Variants in CPNE8 observed in about 807,000 individuals in gnomAD.
The protein encoded by CPNE8 is copine 8, also known as copine-8.
In CPNE8, 45 loss-of-function variants were observed where a neutral mutation model predicts 81.5. That is an observed-to-expected ratio of 0.55 (90% CI 0.44 to 0.71). CPNE8 has a LOEUF of 0.71. CPNE8 is among the 30% of genes least tolerant of loss of function. The pLI is 0.00. For missense variants in CPNE8, 594 were observed against 672.1 expected (o/e 0.88, Z 1.28); for synonymous variants, 252 against 226.3 (o/e 1.11, Z -1.02).
intron 19 of CPNE8, among the ~76,000 whole-genome samples, chr12:38,655,367 A>G (rs2136628328): frequency 6.6e-6 from 1 of 152,312 alleles, no homozygotes; most frequent in Admixed American, 6.5e-5. Context: ...CCTTAGGGGC[A>G]TAATGATGCT....
At chr12:38,713,167 G>A (rs1940302619) in intron 13 of CPNE8, among the ~76,000 whole-genome samples, 1 of 152,104 alleles carries the variant, frequency 6.6e-6, no homozygotes, top group Non-Finnish European at 1.5e-5. Flanking sequence ...ACTATACAAT[G>A]CCTCAATTAT....
At position 38,905,418 on chromosome 12, in the gene CPNE8, G is replaced by C. The variant is rs766121382; in HGVS notation, c.98+19C>G. 36 of 1,551,396 alleles carry C rather than the reference G, an allele frequency of 2.3e-5. No individual in the cohort carries two copies. The highest frequency in any genetic ancestry group is 2.8e-5 in the Non-Finnish European group (32 of 1,148,570). On this transcript the variant is annotated intron_variant, in intron 1 of 19. Coordinates refer to ENST00000331366, the MANE Select transcript of CPNE8 (RefSeq NM_153634.3). ...CACAGATGAGAGGGCAGGAGAGAGGGGAAGGGCTGCGTCCTCACCTGCAGG... is the reference window on the plus strand; with the variant it reads ...CACAGATGAGAGGGCAGGAGAGAGGCGAAGGGCTGCGTCCTCACCTGCAGG...
intron 6 of CPNE8, among the ~76,000 whole-genome samples, chr12:38,811,176 A>T (rs1942927437): frequency 6.6e-6 from 1 of 152,082 alleles, no homozygotes; most frequent in Non-Finnish European, 1.5e-5. Flanking sequence ...TTCCATTCCT[A>T]GGCATATAAG....
Position 38,667,752 on chromosome 12 carries a change from A to G in CPNE8, c.1506+2977T>C, listed in dbSNP as rs1387723887. 4.6e-5 allele frequency among the ~76,000 whole-genome samples: 7 copies of G among 151,920 alleles called. No individual in the cohort carries two copies. In the East Asian group the frequency reaches 1.4e-3, roughly 29 times the overall value. On this transcript the variant is annotated intron_variant, in intron 19 of 19. Coordinates refer to ENST00000331366, the MANE Select transcript of CPNE8 (RefSeq NM_153634.3). Reference sequence around the variant, plus strand: ...TGTGTTCAAAATCTTTGGAATCCCAATGTTACTTTATGGTGATAGGCTGCT... The same window carrying G: ...TGTGTTCAAAATCTTTGGAATCCCAGTGTTACTTTATGGTGATAGGCTGCT...
intron 10 of CPNE8, among the ~76,000 whole-genome samples, chr12:38,742,238 T>C (rs146851385): frequency 5.6e-4 from 85 of 152,288 alleles, no homozygotes; most frequent in African/African-American, 1.9e-3. Context: ...TGTATGTTTA[T>C]TGCGGCACTA....
intron 4 of CPNE8, among the ~76,000 whole-genome samples, chr12:38,842,899 T>C (rs949321920): frequency 6.6e-6 from 1 of 152,162 alleles, no homozygotes; most frequent in African/African-American, 2.4e-5. Flanking sequence ...ATCTTTCTTT[T>C]AACACAATTT....
intron 6 of CPNE8, among the ~76,000 whole-genome samples, chr12:38,827,012 A>G (rs11169702): frequency 7.9e-6 from 1 of 126,048 alleles, no homozygotes; most frequent in Non-Finnish European, 1.7e-5. Flanking sequence ...TACTAAAAAT[A>G]CAAAAAAAAA....
intron 10 of CPNE8, among the ~76,000 whole-genome samples, chr12:38,744,473 A>G (rs868442058): frequency 6.6e-6 from 1 of 152,358 alleles, no homozygotes; most frequent in Middle Eastern, 3.4e-3. Flanking sequence ...TGTTCCCATC[A>G]ATAATACTAT....
At chr12:38,849,513 T>A (rs1195036580) in intron 3 of CPNE8, among the ~76,000 whole-genome samples, 3 of 152,216 alleles carry the variant, frequency 2.0e-5, no homozygotes, top group Non-Finnish European at 4.4e-5. Flanking sequence ...CAACTTTTAT[T>A]AAAGTTCAAT....
intron 1 of CPNE8, among the ~76,000 whole-genome samples, chr12:38,900,054 T>A (rs1459545417): frequency 6.6e-6 from 1 of 152,112 alleles, no homozygotes; most frequent in Non-Finnish European, 1.5e-5. Context: ...TTAATATAAT[T>A]TAATTTTGTT....
rs1939160162 is a variant in CPNE8 at position 38,670,880 on chromosome 12, G to C, written c.1433-78C>G. 3 of 1,017,404 alleles carry C rather than the reference G, an allele frequency of 2.9e-6. No individual in the cohort carries two copies. In the African/African-American group the frequency reaches 4.8e-5, roughly 16 times the overall value. The allele number at this position is 1,017,404 out of a possible 1,614,324, so 63.0% of individuals were successfully genotyped here. ...ACAATGTGGACAACAAGGAAATCAAGATGTATGAAGTAGCAAAATGTGCTA... is the reference window on the plus strand; with the variant it reads ...ACAATGTGGACAACAAGGAAATCAACATGTATGAAGTAGCAAAATGTGCTA... On this transcript the variant is annotated intron_variant, in intron 18 of 19. Coordinates refer to ENST00000331366, the MANE Select transcript of CPNE8 (RefSeq NM_153634.3).
chr12:38,667,285 G>T (rs916351339), intron 19 of CPNE8, among the ~76,000 whole-genome samples: 1 of 152,132 alleles, frequency 6.6e-6, no homozygotes, highest in Non-Finnish European at 1.5e-5. Flanking sequence ...CTGACCAGGG[G>T]AAGATTGAAA....
intron 10 of CPNE8, among the ~76,000 whole-genome samples, chr12:38,741,895 T>C (rs1941115663): frequency 2.6e-5 from 4 of 152,098 alleles, no homozygotes; most frequent in Admixed American, 2.0e-4. Flanking sequence ...AAAGGAAACA[T>C]TTATGCAGCC....
At chr12:38,813,357 G>C (rs1485572664) in intron 6 of CPNE8, among the ~76,000 whole-genome samples, 1 of 152,140 alleles carries the variant, frequency 6.6e-6, no homozygotes, top group Non-Finnish European at 1.5e-5. Context: ...AGAAAAGATG[G>C]TCATTAATTG....
At chr12:38,706,700 A>G (rs1940115591) in intron 13 of CPNE8, among the ~76,000 whole-genome samples, 1 of 152,208 alleles carries the variant, frequency 6.6e-6, no homozygotes, top group Admixed American at 6.6e-5. Context: ...ATCTCTGTAC[A>G]CTGTAGGAGA....
At chr12:38,698,802 T>C (rs1261145324) in intron 14 of CPNE8, among the ~76,000 whole-genome samples, 3 of 152,214 alleles carry the variant, frequency 2.0e-5, no homozygotes, top group Non-Finnish European at 2.9e-5. Flanking sequence ...TGTTGCTTTG[T>C]AGTAAGTTTT....
intron 11 of CPNE8, among the ~76,000 whole-genome samples, chr12:38,728,164 C>T (rs928536512): frequency 6.6e-6 from 1 of 152,060 alleles, no homozygotes; most frequent in African/African-American, 2.4e-5. Flanking sequence ...TCAACAACAA[C>T]AAAAATAAGA....
chr12:38,668,673 G>T (rs528175305), intron 19 of CPNE8, among the ~76,000 whole-genome samples: 2 of 152,192 alleles, frequency 1.3e-5, no homozygotes, highest in East Asian at 3.9e-4. Context: ...ATTCTAGAGA[G>T]CTTTTAAATA....
At chr12:38,680,444 T>C (rs1218481981) in intron 16 of CPNE8, among the ~76,000 whole-genome samples, 2 of 152,038 alleles carry the variant, frequency 1.3e-5, no homozygotes, top group African/African-American at 4.8e-5. Flanking sequence ...GACTGGGCAA[T>C]GAAGTGATCA....
Sources: allele counts gnomAD v4.1 joint callset (sites outside exome capture counted in the v4.1 genomes callset), GRCh38; gene constraint gnomAD v4.1.1; transcripts MANE v1.5; gene names NCBI Gene and HGNC (gene_info 2026-07-23, HGNC 2026-07-21).